Variants in NAT1 observed in about 807,000 individuals in gnomAD.
NAT1 encodes arylamine N-acetyltransferase 1.
For synonymous variants in NAT1, 144 were observed against 122.6 expected, an observed-to-expected ratio of 1.17 and a Z score of -1.16; for missense variants, 400 against 339.2, an observed-to-expected ratio of 1.18 and a Z score of -1.41.
At chr8:18,185,043 T>G (rs1563165418) in intron 2 of NAT1, among the ~76,000 whole-genome samples, 1 of 152,282 alleles carries the variant, frequency 6.6e-6, no homozygotes, top group East Asian at 1.9e-4. Context: ...TTAAATGTTA[T>G]TTTTTTCAGG....
upstream of NAT1, among the ~76,000 whole-genome samples, chr8:18,206,203 T>G (rs1247146579): frequency 6.6e-6 from 1 of 152,220 alleles, no homozygotes; most frequent in East Asian, 1.9e-4. Flanking sequence ...TCAACTCACC[T>G]GTTCCCCTGG....
At chr8:18,202,282 A>T (rs145470138) in intron 2 of NAT1, among the ~76,000 whole-genome samples, 146 of 152,292 alleles carry the variant, frequency 9.6e-4, no homozygotes, top group African/African-American at 3.4e-3. Flanking sequence ...AGTCATGTCT[A>T]TGGAAGTACA....
At chr8:18,219,695 G>C (rs528518017) in intron 2 of NAT1, among the ~76,000 whole-genome samples, 13 of 152,326 alleles carry the variant, frequency 8.5e-5, no homozygotes, top group African/African-American at 3.1e-4. Context: ...ATTCCACCTT[G>C]AAGCACAACG....
intron 2 of NAT1, among the ~76,000 whole-genome samples, chr8:18,220,893 G>A (rs769511106): frequency 5.9e-5 from 9 of 152,180 alleles, no homozygotes; most frequent in Non-Finnish European, 1.2e-4. Flanking sequence ...GAGCATATGT[G>A]TTCAAATTGG....
intron 2 of NAT1, among the ~76,000 whole-genome samples, chr8:18,181,549 C>A (rs1327761398): frequency 6.6e-6 from 1 of 152,026 alleles, no homozygotes; most frequent in African/African-American, 2.4e-5. Flanking sequence ...AGTTGAGATG[C>A]CCTTTATTTC....
chr8:18,222,170 C>T lies in NAT1; in HGVS notation c.123C>T (p.Asn41=), dbSNP rs1290315481. 1.9e-6 allele frequency: 3 copies of T among 1,614,000 alleles called. No homozygotes were observed. Among genetic ancestry groups the T allele is most frequent in the African/African-American group, 1.3e-5 (1 of 74,916 alleles). Residue 41 remains asparagine (N), a synonymous_variant, in exon 3 of 3, where the codon AAC becomes AAT. Transcript: ENST00000307719. ...GAGCTGTTCCCTTTGAGAACCTTAA[C>T]ATCCATTGTGGGGATGCCATGGACT... is the stretch of plus-strand genomic sequence containing the variant. The part of the protein sequence containing the change: ...QIRAVPFENL[N]IHCGDAMDLG...
At chr8:18,219,218 A>G (rs1297964543) in intron 1 of NAT1, among the ~76,000 whole-genome samples, 193 bp from the exon 2 acceptor site, 5 of 152,134 alleles carry the variant, frequency 3.3e-5, no homozygotes, top group Non-Finnish European at 5.9e-5. Flanking sequence ...GTACCCCATC[A>G]GCGTTGCACC....
chr8:18,220,542 A>G (rs1805174632), intron 2 of NAT1, among the ~76,000 whole-genome samples: 1 of 152,226 alleles, frequency 6.6e-6, no homozygotes, highest in Non-Finnish European at 1.5e-5. Flanking sequence ...TAAAATATTT[A>G]ACAAAATAAG....
intron 1 of NAT1, chr8:18,217,074 C>A: frequency 2.2e-6 from 2 of 912,862 alleles, no homozygotes; most frequent in South Asian, 3.2e-5. Flanking sequence ...TGCTGTGAGT[C>A]TGGGGAATTA....
chr8:18,183,888 G>A (rs1257374649), intron 2 of NAT1, among the ~76,000 whole-genome samples: 8 of 152,136 alleles, frequency 5.3e-5, no homozygotes, highest in Non-Finnish European at 1.0e-4. Flanking sequence ...GACACACTTG[G>A]GTTGACCTCC....
intron 2 of NAT1, among the ~76,000 whole-genome samples, chr8:18,196,497 A>G (rs1316242090): frequency 2.6e-5 from 4 of 152,236 alleles, no homozygotes; most frequent in Admixed American, 2.6e-4. Context: ...ACTTCAGTAC[A>G]AAAAGAGATG....
At chr8:18,210,523 G>A (rs1362012169) in intron 1 of NAT1, among the ~76,000 whole-genome samples, 1 of 152,180 alleles carries the variant, frequency 6.6e-6, no homozygotes, top group Non-Finnish European at 1.5e-5. Flanking sequence ...TTACATACGT[G>A]TATTAAAAGA....
At chr8:18,172,959 G>A (rs149290744) in intron 2 of NAT1, among the ~76,000 whole-genome samples, 150 of 152,224 alleles carry the variant, frequency 9.9e-4, no homozygotes, top group African/African-American at 3.5e-3. Context: ...ACAAAAGCAT[G>A]TGAGGCTAGA....
At chr8:18,199,380 T>C (rs950202909) in intron 2 of NAT1, among the ~76,000 whole-genome samples, 2 of 151,786 alleles carry the variant, frequency 1.3e-5, no homozygotes, top group African/African-American at 4.8e-5. Context: ...GATTTTTGCC[T>C]CTGTAACTTG....
At chr8:18,176,861 T>A (rs2117207002) in intron 2 of NAT1, among the ~76,000 whole-genome samples, 1 of 152,210 alleles carries the variant, frequency 6.6e-6, no homozygotes, top group East Asian at 1.9e-4. Flanking sequence ...ACACAGAATA[T>A]CTTTCCATTT....
intron 2 of NAT1, among the ~76,000 whole-genome samples, chr8:18,196,946 G>T (rs1803258182): frequency 6.6e-6 from 1 of 152,144 alleles, no homozygotes. Context: ...CCAAGAGTGG[G>T]AAATTATGAA....
At chr8:18,215,182 T>C (rs986642586) in intron 1 of NAT1, among the ~76,000 whole-genome samples, 1 of 152,246 alleles carries the variant, frequency 6.6e-6, no homozygotes, top group Non-Finnish European at 1.5e-5. Flanking sequence ...GGTGTATAAG[T>C]GCCACATTTT....
At chr8:18,212,036 T>A (rs1804159808) in intron 1 of NAT1, among the ~76,000 whole-genome samples, 1 of 152,086 alleles carries the variant, frequency 6.6e-6, no homozygotes. Context: ...AATTCTTCTA[T>A]GTTGGGCTCT....
At chr8:18,172,958 T>C (rs1442910233) in intron 2 of NAT1, among the ~76,000 whole-genome samples, 1 of 152,122 alleles carries the variant, frequency 6.6e-6, no homozygotes, top group African/African-American at 2.4e-5. Flanking sequence ...AACAAAAGCA[T>C]GTGAGGCTAG....
Sources: allele counts gnomAD v4.1 joint callset (sites outside exome capture counted in the v4.1 genomes callset), GRCh38; gene constraint gnomAD v4.1.1; transcripts MANE v1.5; gene names NCBI Gene and HGNC (gene_info 2026-07-23, HGNC 2026-07-21).